CEP85L: variants seen among roughly 807,000 people sequenced by gnomAD.
The protein encoded by CEP85L is centrosomal protein 85L.
CEP85L carries 60 observed loss-of-function variants against 100.3 expected under a neutral mutation model. That is an observed-to-expected ratio of 0.60 (90% CI 0.49 to 0.74). The LOEUF is 0.74. CEP85L is among the 30% of genes least tolerant of loss of function. The pLI is 0.00. For missense variants in CEP85L, 973 were observed against 936.2 expected, an observed-to-expected ratio of 1.04 and a Z score of -0.51; for synonymous variants, 319 against 322.7, an observed-to-expected ratio of 0.99 and a Z score of 0.12.
chr6:118,693,018 C>T lies in CEP85L; in HGVS notation c.-28+17018G>A, dbSNP rs527405047. ...GCATAGAAAGATTCTGAAGGTGGTA[C>T]TCATGTGATCCAGCTGCTGAGATGC... On this transcript the variant is annotated intron_variant, in intron 1 of 13. Coordinates refer to the CEP85L transcript ENST00000368488. 7.2e-5 allele frequency among the ~76,000 whole-genome samples: 11 copies of T among 152,302 alleles called. No individual in the cohort carries two copies. In the East Asian group the frequency reaches 2.1e-3, roughly 29 times the overall value.
intron 10 of CEP85L, among the ~76,000 whole-genome samples, chr6:118,478,465 C>T (rs1158691249): frequency 6.6e-6 from 1 of 151,986 alleles, no homozygotes; most frequent in Non-Finnish European, 1.5e-5. Flanking sequence ...TGACCTGTAT[C>T]TATAGATCTC....
At chr6:118,582,010 C>A (rs1780604231) in intron 2 of CEP85L, among the ~76,000 whole-genome samples, 1 of 152,176 alleles carries the variant, frequency 6.6e-6, no homozygotes, top group Admixed American at 6.5e-5. Flanking sequence ...CAGACCTTTA[C>A]AAGTTCTGTA....
rs538269569 is a variant in CEP85L, at chr6:118,620,824, A to C, written c.232+11629T>G. On this transcript the variant is annotated intron_variant, in intron 2 of 12. Coordinates refer to ENST00000368491, the MANE Select transcript of CEP85L (RefSeq NM_001042475.3). ...CAGCCTGTAACCAGGTATTTCTCCC[A>C]CCTCCTCAGCTGCAACTGGGAGACC... 4.1e-4 allele frequency among the ~76,000 whole-genome samples: 62 copies of C among 151,978 alleles called. No individual in the cohort carries two copies. The South Asian group carries it at 0.013, about 31-fold the overall frequency.
intron 4 of CEP85L, among the ~76,000 whole-genome samples, chr6:118,514,186 C>G (rs1776131356): frequency 6.6e-6 from 1 of 152,026 alleles, no homozygotes; most frequent in Non-Finnish European, 1.5e-5. Context: ...TCAACTAATT[C>G]AAGAGAAGGC....
chr6:118,525,199 T>C (rs983039531), intron 3 of CEP85L, among the ~76,000 whole-genome samples: 1 of 152,186 alleles, frequency 6.6e-6, no homozygotes, highest in South Asian at 2.1e-4. Context: ...GGATGAAATA[T>C]ATCACTTAGA....
At chr6:118,587,421 AC>A (rs1430488259) in intron 2 of CEP85L, among the ~76,000 whole-genome samples, 1 of 152,176 alleles carries the variant, frequency 6.6e-6, no homozygotes, top group Non-Finnish European at 1.5e-5. Context: ...GTAACATCAC[AC>A]TTGTAATTGC....
chr6:118,519,313 G>T (rs1776473945), intron 4 of CEP85L, among the ~76,000 whole-genome samples: 1 of 151,830 alleles, frequency 6.6e-6, no homozygotes, highest in Non-Finnish European at 1.5e-5. Flanking sequence ...AATTAGCTGG[G>T]TGTGGTCGCG....
In CEP85L at chr6:118,523,755, T is replaced by C. The variant is rs765461494; in HGVS notation, c.1139+47A>G. On this transcript the variant is annotated intron_variant, in intron 4 of 12. Transcript: ENST00000368491. ...CATAAAGTTAATTGTTTCATTAATC[T>C]AAATTTCTGTAGGCCTGAAATATTT... 1.0e-5 allele frequency: 9 copies of C among 903,198 alleles called. No individual in the cohort carries two copies. In the South Asian group the frequency reaches 1.1e-4, roughly 11 times the overall value. 55.9% of individuals were successfully genotyped at this position (903,198 alleles called of 1,614,324 possible). A position where few individuals can be genotyped will look rare whatever the true frequency, so the allele number is the denominator to read the frequency against.
intron 1 of CEP85L, among the ~76,000 whole-genome samples, chr6:118,673,743 A>G (rs1262507205): frequency 1.3e-5 from 2 of 152,238 alleles, no homozygotes; most frequent in Non-Finnish European, 2.9e-5. Context: ...AACTCCACCC[A>G]TGGACATAAA....
intron 2 of CEP85L, among the ~76,000 whole-genome samples, chr6:118,586,205 T>C (rs893334125): frequency 1.3e-5 from 2 of 152,152 alleles, no homozygotes; most frequent in Non-Finnish European, 2.9e-5. Context: ...TCACCTTCCT[T>C]GGGTCACTCT....
At chr6:118,638,315 T>C (rs1019557598) in intron 1 of CEP85L, among the ~76,000 whole-genome samples, 64 of 152,106 alleles carry the variant, frequency 4.2e-4, no homozygotes, top group Non-Finnish European at 2.8e-4. Flanking sequence ...GAAGATCTGG[T>C]ATTGTATGTG....
intron 1 of CEP85L, among the ~76,000 whole-genome samples, chr6:118,666,062 T>G (rs544744409): frequency 6.6e-6 from 1 of 152,364 alleles, no homozygotes; most frequent in South Asian, 2.1e-4. Flanking sequence ...TGTTCCACTC[T>G]GGTGCCAAGT....
At position 118,651,586 on chromosome 6, in the gene CEP85L, T is replaced by G; in HGVS notation, c.-317A>C. ...CTCCAGGCGAAGTTGCAGCTGCGGG[T>G]TCTCTCCGCCCCCTCCGCCGGCAGA... On this transcript the variant is annotated 5_prime_UTR_variant, in exon 1 of 13. Coordinates refer to ENST00000368491, the MANE Select transcript of CEP85L (RefSeq NM_001042475.3). 4 of 1,116,056 alleles carry G rather than the reference T, an allele frequency of 3.6e-6. No homozygotes were observed. The highest frequency in any genetic ancestry group is 4.4e-6 in the Non-Finnish European group (4 of 914,976). 69.1% of individuals were successfully genotyped at this position (1,116,056 alleles called of 1,614,324 possible).
chr6:118,511,345 A>G lies in CEP85L; in HGVS notation c.1210T>C (p.Leu404=), dbSNP rs768342174. Residue 404 remains leucine (L), a synonymous_variant, in exon 5 of 13, where the codon TTA becomes CTA. Transcript: ENST00000368491. ...DNELRAQHAM[L]GHYVNCEDSY... ...TCCTCACAATTTACATAATGTCCTA[A>G]CATGGCATGTTGAGCCCGTAATTCA... The G allele has an allele frequency of 1.9e-6, 3 of 1,613,172 alleles. No homozygotes were observed. The Admixed American group carries it at 5.0e-5, about 27-fold the overall frequency.
chr6:118,616,047 C>G (rs137879269), intron 2 of CEP85L, among the ~76,000 whole-genome samples: 1 of 151,598 alleles, frequency 6.6e-6, no homozygotes, highest in East Asian at 1.9e-4. Context: ...CTTGGGGACT[C>G]CTAAACACAC....
At chr6:118,544,134 A>T (rs999578669) in intron 3 of CEP85L, among the ~76,000 whole-genome samples, 2 of 152,230 alleles carry the variant, frequency 1.3e-5, no homozygotes, top group Non-Finnish European at 2.9e-5. Context: ...AAGATAAGAA[A>T]TTTAATATGT....
At chr6:118,538,430 T>C (rs1185025882) in intron 3 of CEP85L, among the ~76,000 whole-genome samples, 1 of 151,958 alleles carries the variant, frequency 6.6e-6, no homozygotes, top group Non-Finnish European at 1.5e-5. Flanking sequence ...ATCTTAAGAA[T>C]GCATATGCAT....
At position 118,565,788 on chromosome 6, in the gene CEP85L, A is replaced by C; in HGVS notation, c.761T>G (p.Met254Arg). Residue 254 changes from methionine to arginine, a missense_variant, in exon 3 of 13, where the codon ATG (methionine) becomes AGG (arginine). Around this residue, in one of 3 missense-constraint regions of CEP85L, gnomAD observed 890 missense variants for 844.5 expected, o/e 1.05. Transcript: ENST00000368491. ...SSTLRRQPVD[M>R]TYSALPESKP... The stretch of plus-strand genomic sequence containing the variant: ...GCTTTCAGGTAAGGCACTATATGTC[A>C]TGTCTACAGGCTGTCTCCTAAGAGT... 6.2e-7 allele frequency: 1 copy of C among 1,614,186 alleles called. No individual in the cohort carries two copies. The highest frequency in any genetic ancestry group is 1.3e-5 in the African/African-American group (1 of 75,040).
intron 5 of CEP85L, among the ~76,000 whole-genome samples, chr6:118,509,232 T>A (rs1225075983): frequency 2.6e-5 from 4 of 152,122 alleles, no homozygotes; most frequent in African/African-American, 4.8e-5. Context: ...ATTTGCTTCA[T>A]CCTTCAGATA....
Sources: allele counts gnomAD v4.1 joint callset (sites outside exome capture counted in the v4.1 genomes callset), GRCh38; gene constraint gnomAD v4.1.1; regional missense constraint gnomAD v4.1.1; transcripts MANE v1.5; gene names NCBI Gene and HGNC (gene_info 2026-07-23, HGNC 2026-07-21).